Variants in CD226 observed in about 807,000 individuals in gnomAD.
CD226 encodes CD226 molecule.
Under a neutral mutation model 34.9 loss-of-function variants are expected in CD226, and 24 were observed. That is an observed-to-expected ratio of 0.69 (90% CI 0.50 to 0.97). The LOEUF (loss-of-function observed/expected upper bound fraction) is 0.97, where lower values mean the gene tolerates loss of function less well. CD226 is among the 50% of genes least tolerant of loss of function. CD226 has a pLI of 0.00. For synonymous variants in CD226, 148 were observed against 147.4 expected, an observed-to-expected ratio of 1.00 and a Z score of -0.03; for missense variants, 397 against 412.7, an observed-to-expected ratio of 0.96 and a Z score of 0.33.
chr18:69,879,841 C>A (rs1984108193), intron 3 of CD226, among the ~76,000 whole-genome samples: 1 of 152,240 alleles, frequency 6.6e-6, no homozygotes, highest in African/African-American at 2.4e-5. Context: ...CTTCCCACAG[C>A]ACCATTTCCC....
At chr18:69,953,910 G>A (rs925462344) in intron 1 of CD226, among the ~76,000 whole-genome samples, 4 of 150,980 alleles carry the variant, frequency 2.6e-5, no homozygotes, top group African/African-American at 9.8e-5. Context: ...TGAGACAGGA[G>A]AATCGCTTGA....
At chr18:69,926,720 A>T (rs1029483886) in intron 2 of CD226, among the ~76,000 whole-genome samples, 1 of 152,224 alleles carries the variant, frequency 6.6e-6, no homozygotes, top group African/African-American at 2.4e-5. Flanking sequence ...ATTATATAGG[A>T]TCTTTGTATA....
intron 2 of CD226, among the ~76,000 whole-genome samples, chr18:69,925,727 G>A (rs749794141): frequency 3.3e-5 from 5 of 151,950 alleles, no homozygotes; most frequent in East Asian, 1.9e-4. Flanking sequence ...CTCCAGTCTC[G>A]CTCCCATATG....
chr18:69,959,288 G>A (rs2145393569), upstream of CD226, among the ~76,000 whole-genome samples: 1 of 152,304 alleles, frequency 6.6e-6, no homozygotes, highest in East Asian at 1.9e-4. Flanking sequence ...GGAAAGCAGT[G>A]AGATAGAATG....
At chr18:69,876,439 C>T (rs1412201698) in intron 3 of CD226, among the ~76,000 whole-genome samples, 4 of 152,118 alleles carry the variant, frequency 2.6e-5, no homozygotes, top group Non-Finnish European at 5.9e-5. Context: ...AAATATGTTA[C>T]CTATTTGTAA....
At chr18:69,896,423 C>T (rs1215458445) in intron 2 of CD226, among the ~76,000 whole-genome samples, 2 of 152,142 alleles carry the variant, frequency 1.3e-5, no homozygotes, top group African/African-American at 2.4e-5. Context: ...CCTTGTGATC[C>T]GCCCACCTCG....
At chr18:69,876,629 A>G (rs1247455275) in intron 3 of CD226, among the ~76,000 whole-genome samples, 1 of 152,186 alleles carries the variant, frequency 6.6e-6, no homozygotes, top group Non-Finnish European at 1.5e-5. Context: ...CTGCTCTCAC[A>G]CTACCACAGC....
At chr18:69,928,430 T>C (rs1472104729) in intron 2 of CD226, among the ~76,000 whole-genome samples, 1 of 152,020 alleles carries the variant, frequency 6.6e-6, no homozygotes, top group Non-Finnish European at 1.5e-5. Context: ...GAGATGGCAA[T>C]GGTAATCACT....
upstream of CD226, among the ~76,000 whole-genome samples, chr18:69,948,757 C>T (rs982733707): frequency 6.6e-6 from 1 of 152,190 alleles, no homozygotes; most frequent in African/African-American, 2.4e-5. Flanking sequence ...AATAAGTCAA[C>T]CCAACAATTC....
chr18:69,961,515 T>C (rs560135260), upstream of CD226: 3 of 152,160 alleles, frequency 2.0e-5, no homozygotes, highest in Admixed American at 1.3e-4. Flanking sequence ...AACACACATA[T>C]CCCCATGAAA....
chr18:69,861,302 C>T lies in CD226; in HGVS notation c.*3012G>A, dbSNP rs908494562. 6.6e-6 allele frequency: 1 copy of T among 150,942 alleles called. No individual in the cohort carries two copies. The highest frequency in any genetic ancestry group is 1.5e-5 in the Non-Finnish European group (1 of 67,664). 9.4% of individuals were successfully genotyped at this position (150,942 alleles called of 1,614,324 possible). On this transcript the variant is annotated 3_prime_UTR_variant, in exon 6 of 6. Transcript: ENST00000582621. ...TATTTTATTTTCTCAACATATTATA[C>T]CTAAAGTTCTTTAAATAAAGTTTGA...
intron 2 of CD226, among the ~76,000 whole-genome samples, chr18:69,920,086 A>C (rs1298152546): frequency 6.6e-6 from 1 of 152,158 alleles, no homozygotes; most frequent in East Asian, 1.9e-4. Context: ...GCTGGTCTCG[A>C]ACTCTAGGAT....
intron 2 of CD226, among the ~76,000 whole-genome samples, chr18:69,925,810 C>T (rs372691249): frequency 1.3e-5 from 2 of 152,144 alleles, no homozygotes; most frequent in East Asian, 3.9e-4. Context: ...ACTCTCAGTC[C>T]CCTTATGGTG....
At chr18:69,933,056 G>A (rs2055607586) in intron 2 of CD226, among the ~76,000 whole-genome samples, 1 of 152,146 alleles carries the variant, frequency 6.6e-6, no homozygotes. Context: ...GCTCTGGTGG[G>A]CTGCACCGTG....
chr18:69,883,665 A>G (rs1242275778), intron 3 of CD226, among the ~76,000 whole-genome samples: 1 of 152,284 alleles, frequency 6.6e-6, no homozygotes, highest in Non-Finnish European at 1.5e-5. Context: ...ATGTATGTAT[A>G]TAAGACATGT....
intron 2 of CD226, among the ~76,000 whole-genome samples, chr18:69,918,871 C>T (rs942363239): frequency 7.2e-5 from 11 of 152,192 alleles, no homozygotes; most frequent in Admixed American, 1.3e-4. Context: ...TTGCCCAATA[C>T]GCATCTGTAT....
upstream of CD226, among the ~76,000 whole-genome samples, chr18:69,948,998 A>G (rs2055823723): frequency 6.6e-6 from 1 of 152,220 alleles, no homozygotes; most frequent in Non-Finnish European, 1.5e-5. Context: ...GGTTTTATAG[A>G]AAAAGTGGGG....
At chr18:69,868,601 A>C (rs2145180236) in intron 4 of CD226, among the ~76,000 whole-genome samples, 1 of 152,278 alleles carries the variant, frequency 6.6e-6, no homozygotes, top group South Asian at 2.1e-4. Flanking sequence ...GTTTTATATA[A>C]ATTAGATCAT....
chr18:69,895,696 C>T lies in CD226; in HGVS notation c.727+5G>A, dbSNP rs1472656109. The stretch of plus-strand genomic sequence containing the variant: ...GATACCAGAAGATGTCTGGTGCTCA[C>T]TCACCCTCGGCTACAGTCAATCTCA... On this transcript the variant is annotated splice_donor_5th_base_variant and intron_variant, in intron 3 of 5. Coordinates refer to ENST00000582621, the MANE Select transcript of CD226 (RefSeq NM_001303618.2). The T allele has an allele frequency of 6.2e-7, 1 of 1,603,704 alleles. No individual in the cohort carries two copies.
Sources: gnomAD v4.1 joint callset for allele counts (sites outside exome capture counted in the v4.1 genomes callset) on GRCh38, gnomAD v4.1.1 for gene constraint, MANE v1.5 for transcripts, NCBI Gene and HGNC (gene_info 2026-07-23, HGNC 2026-07-21) for gene names.